KCNT2: variants seen among roughly 807,000 people sequenced by gnomAD.
KCNT2 encodes the protein potassium channel subfamily T member 2.
In KCNT2, 67 loss-of-function variants were observed where a neutral mutation model predicts 153.8. That is an observed-to-expected ratio of 0.44 (90% CI 0.36 to 0.53). The LOEUF (loss-of-function observed/expected upper bound fraction) is 0.53, where lower values mean the gene tolerates loss of function less well. KCNT2 is among the 20% of genes least tolerant of loss of function. The probability of loss-of-function intolerance (pLI) is 0.00; values close to 1 mark genes in which losing one functional copy is unlikely to be tolerated. For synonymous variants in KCNT2, 500 were observed against 458.8 expected (o/e 1.09, Z -1.15); for missense variants, 975 against 1,354.8 (o/e 0.72, Z 4.40).
At chr1:196,559,305 T>C (rs76861287) in intron 1 of KCNT2, among the ~76,000 whole-genome samples, 1,707 of 151,766 alleles carry the variant, frequency 0.011, 32 homozygotes, top group African/African-American at 0.039. Flanking sequence ...ATTTCCCATG[T>C]TACAATGGGA....
intron 12 of KCNT2, among the ~76,000 whole-genome samples, chr1:196,412,708 T>C (rs1672440831): frequency 6.6e-6 from 1 of 151,612 alleles, no homozygotes; most frequent in South Asian, 2.1e-4. Flanking sequence ...TTTGGAAATT[T>C]TGAGTAAAGC....
intron 26 of KCNT2, among the ~76,000 whole-genome samples, chr1:196,244,230 A>C (rs530408572): frequency 5.8e-4 from 88 of 152,278 alleles, no homozygotes; most frequent in Admixed American, 2.6e-3. Flanking sequence ...AGTGAGACTC[A>C]GAGATGTGCT....
Position 196,594,537 on chromosome 1 carries a change from C to A in KCNT2, c.95+13678G>T, listed in dbSNP as rs1024134936. Among the ~76,000 whole-genome samples the A allele has an allele frequency of 2.6e-5, 4 of 151,898 alleles. 1 individual carries two copies. On this transcript the variant is annotated intron_variant, in intron 1 of 27. Coordinates refer to ENST00000294725, the MANE Select transcript of KCNT2 (RefSeq NM_198503.5). Reference sequence around the variant, plus strand: ...TTGGAGCCTTTGTATGGACTACTTGCGTTAAATAATGTAGGAGGATCCAAA... The same window carrying A: ...TTGGAGCCTTTGTATGGACTACTTGAGTTAAATAATGTAGGAGGATCCAAA...
At chr1:196,294,485 AG>A (rs1660500493) in intron 22 of KCNT2, among the ~76,000 whole-genome samples, 1 of 152,094 alleles carries the variant, frequency 6.6e-6, no homozygotes, top group South Asian at 2.1e-4. Context: ...CATGTTGGCC[AG>A]GATGATCTCA....
intron 1 of KCNT2, among the ~76,000 whole-genome samples, chr1:196,505,745 C>T (rs1681083002): frequency 6.6e-6 from 1 of 151,846 alleles, no homozygotes; most frequent in East Asian, 1.9e-4. Flanking sequence ...TTCTTTGTAT[C>T]CTCTTTTATT....
At chr1:196,389,138 G>C (rs1371809141) in intron 13 of KCNT2, among the ~76,000 whole-genome samples, 1 of 151,674 alleles carries the variant, frequency 6.6e-6, no homozygotes, top group Non-Finnish European at 1.5e-5. Flanking sequence ...ATGGTGAACT[G>C]CTCTGATTTT....
At chr1:196,398,417 T>C (rs1472670998) in intron 13 of KCNT2, 146 bp downstream of exon 13, 1 of 550,032 alleles carries the variant, frequency 1.8e-6, no homozygotes, top group East Asian at 3.0e-5. Context: ...AATCCTCTCG[T>C]ATCAAGTAAA....
chr1:196,531,354 G>C (rs566085873), intron 1 of KCNT2, among the ~76,000 whole-genome samples: 1 of 152,020 alleles, frequency 6.6e-6, no homozygotes, highest in Non-Finnish European at 1.5e-5. Context: ...AAAAGAAGAC[G>C]AACTTTGTAG....
chr1:196,445,876 C>T (rs1317636966), intron 8 of KCNT2, among the ~76,000 whole-genome samples: 1 of 150,996 alleles, frequency 6.6e-6, no homozygotes, highest in Non-Finnish European at 1.5e-5. Flanking sequence ...TCAAATACAT[C>T]AGTATCTTTA....
At chr1:196,376,404 A>C (rs1382640485) in intron 13 of KCNT2, among the ~76,000 whole-genome samples, 1 of 151,940 alleles carries the variant, frequency 6.6e-6, no homozygotes, top group African/African-American at 2.4e-5. Flanking sequence ...TACTAAGTAG[A>C]AAAAATAAAG....
At chr1:196,429,856 A>T in intron 8 of KCNT2, 99 bp from the exon 9 acceptor site, 6 of 718,254 alleles carry the variant, frequency 8.4e-6, no homozygotes. Flanking sequence ...TCATAAAGCC[A>T]TTTAATAGTC....
intron 8 of KCNT2, among the ~76,000 whole-genome samples, chr1:196,435,526 T>A (rs1329083976): frequency 6.6e-6 from 1 of 151,780 alleles, no homozygotes; most frequent in South Asian, 2.1e-4. Flanking sequence ...ATATAAGATA[T>A]ATTTATTTTA....
chr1:196,465,002 G>C (rs1677481220), intron 8 of KCNT2, among the ~76,000 whole-genome samples: 1 of 151,964 alleles, frequency 6.6e-6, no homozygotes, highest in Non-Finnish European at 1.5e-5. Flanking sequence ...ATTCTTGTTT[G>C]ACAACTATGG....
At chr1:196,501,840 C>T (rs931359419) in intron 1 of KCNT2, among the ~76,000 whole-genome samples, 7 of 152,166 alleles carry the variant, frequency 4.6e-5, no homozygotes, top group South Asian at 4.2e-4. Flanking sequence ...AGTTTTGGGC[C>T]GGGAGCGATG....
At chr1:196,272,853 G>A (rs1051142349) in intron 25 of KCNT2, among the ~76,000 whole-genome samples, 13 of 151,846 alleles carry the variant, frequency 8.6e-5, no homozygotes, top group Admixed American at 6.6e-4. Flanking sequence ...GAAGATGATG[G>A]TTAAAGATAA....
intron 23 of KCNT2, among the ~76,000 whole-genome samples, chr1:196,284,032 A>G (rs1220012794): frequency 2.0e-5 from 3 of 150,556 alleles, no homozygotes; most frequent in Non-Finnish European, 3.0e-5. Context: ...GGGGTTCGAG[A>G]CCAGCCTGAC....
intron 1 of KCNT2, among the ~76,000 whole-genome samples, chr1:196,546,772 C>A (rs1282709793): frequency 1.3e-5 from 2 of 151,870 alleles, no homozygotes; most frequent in Non-Finnish European, 2.9e-5. Flanking sequence ...TCAAAAAAAT[C>A]ATTGAAGATA....
At chr1:196,412,175 A>G (rs1260013730) in intron 12 of KCNT2, among the ~76,000 whole-genome samples, 1 of 151,764 alleles carries the variant, frequency 6.6e-6, no homozygotes, top group Non-Finnish European at 1.5e-5. Flanking sequence ...CTAACATTTC[A>G]TATGATCTCT....
intron 1 of KCNT2, among the ~76,000 whole-genome samples, chr1:196,549,696 T>C (rs918777811): frequency 7.2e-5 from 11 of 151,982 alleles, no homozygotes; most frequent in Non-Finnish European, 1.6e-4. Flanking sequence ...AGGTGATTCT[T>C]ATAATGCACA....
Sources: gnomAD v4.1 joint callset for allele counts (sites outside exome capture counted in the v4.1 genomes callset) on GRCh38, gnomAD v4.1.1 for gene constraint, MANE v1.5 for transcripts, NCBI Gene and HGNC (gene_info 2026-07-23, HGNC 2026-07-21) for gene names.